The following RGPD2 variants were observed in gnomAD, a reference collection of about 807,000 sequenced individuals.
RGPD2 encodes the protein RANBP2 like and GRIP domain containing 2.
RGPD2 carries 2 observed loss-of-function variants against 36.0 expected under a neutral mutation model. That is an observed-to-expected ratio of 0.06 (90% confidence interval 0.02 to 0.17). The LOEUF (loss-of-function observed/expected upper bound fraction) is 0.17. Ranked by LOEUF, RGPD2 falls within the 10% of genes least tolerant of loss-of-function variation. The probability of loss-of-function intolerance (pLI) is 1.00; values close to 1 mark genes in which losing one functional copy is unlikely to be tolerated. For synonymous variants in RGPD2, 19 were observed against 163.8 expected, an observed-to-expected ratio of 0.12 and a Z score of 6.75; for missense variants, 40 against 464.3, an observed-to-expected ratio of 0.09 and a Z score of 8.40.
chr2:87,888,484 A>C, the RGPD2 span, among the ~76,000 whole-genome samples: 1 of 117,050 alleles, frequency 8.5e-6, no homozygotes, highest in African/African-American at 3.3e-5. Context: ...TGGACACAAA[A>C]ATATTAGTAA....
the RGPD2 span, among the ~76,000 whole-genome samples, chr2:87,912,066 T>G: frequency 1.3e-5 from 2 of 152,072 alleles, no homozygotes; most frequent in Non-Finnish European, 2.9e-5. Context: ...AGGTTGTTTT[T>G]TTTTTAGCTC....
the RGPD2 span, among the ~76,000 whole-genome samples, chr2:87,982,980 G>C: frequency 9.9e-6 from 1 of 101,470 alleles, no homozygotes; most frequent in African/African-American, 3.6e-5. Context: ...ATGTAATAAA[G>C]AACAGAAAAA....
the RGPD2 span, among the ~76,000 whole-genome samples, chr2:87,963,888 T>G: frequency 7.4e-6 from 1 of 135,532 alleles, no homozygotes. Flanking sequence ...CAGGCTGGAC[T>G]CCAGTGGCGC....
chr2:87,830,241 C>T (rs533123264), upstream of RGPD2, among the ~76,000 whole-genome samples: 4 of 152,386 alleles, frequency 2.6e-5, no homozygotes, highest in Non-Finnish European at 5.9e-5. Flanking sequence ...AGGGTACAGG[C>T]TCTCTCCTGG....
the RGPD2 span, among the ~76,000 whole-genome samples, chr2:87,958,232 A>T: frequency 1.3e-5 from 2 of 152,106 alleles, no homozygotes; most frequent in African/African-American, 4.8e-5. Context: ...TTTGAACCTG[A>T]AGTCTTAACT....
the RGPD2 span, among the ~76,000 whole-genome samples, chr2:87,861,491 AG>A: frequency 6.6e-6 from 1 of 152,120 alleles, no homozygotes; most frequent in African/African-American, 2.4e-5. Context: ...AATTTCCAAC[AG>A]TGAAGAGGTT....
chr2:87,971,703 A>G, the RGPD2 span, among the ~76,000 whole-genome samples: 2 of 151,598 alleles, frequency 1.3e-5, no homozygotes, highest in Non-Finnish European at 2.9e-5. Context: ...TTATTTATTT[A>G]TTTGCCATTC....
At chr2:87,825,442 CCCGGCCAGGCCGAGGCCGA>C (rs1686695424) in intron 1 of RGPD2, among the ~76,000 whole-genome samples, 197 bp downstream of exon 1, 1 of 119,062 alleles carries the variant, frequency 8.4e-6, no homozygotes. Flanking sequence ...GCCGCCGCCG[CCCGGCCAGGCCGAGGCCGA>C]GGCCGAGGCC....
At chr2:87,989,736 A>G in the RGPD2 span, 5 of 991,230 alleles carry the variant, frequency 5.0e-6, no homozygotes, top group Non-Finnish European at 7.7e-6. Context: ...GATAGAATCA[A>G]TGTAAGTTCC....
the RGPD2 span, among the ~76,000 whole-genome samples, chr2:87,900,502 T>TGCTA: frequency 7.7e-4 from 76 of 98,792 alleles, no homozygotes; most frequent in South Asian, 2.6e-3. Flanking sequence ...CACACTAATA[T>TGCTA]GCTAGCTTAA....
the RGPD2 span, among the ~76,000 whole-genome samples, chr2:87,933,501 C>A: frequency 6.7e-6 from 1 of 148,500 alleles, no homozygotes; most frequent in Non-Finnish European, 1.5e-5. Flanking sequence ...GGGAAACAAT[C>A]AGTAGACAAA....
chr2:87,964,923 C>T, the RGPD2 span, among the ~76,000 whole-genome samples: 1 of 151,416 alleles, frequency 6.6e-6, no homozygotes, highest in East Asian at 1.9e-4. Context: ...TCTTTACCCT[C>T]AACCTAAATA....
intron 4 of RGPD2, among the ~76,000 whole-genome samples, chr2:87,813,925 C>A (rs1179209226): frequency 1.3e-5 from 2 of 151,698 alleles, no homozygotes; most frequent in African/African-American, 4.9e-5. Context: ...GTTAACAGTG[C>A]CTTCAAGTTA....
upstream of RGPD2, among the ~76,000 whole-genome samples, chr2:87,829,880 C>CCAA: frequency 7.4e-6 from 1 of 135,246 alleles, no homozygotes; most frequent in African/African-American, 2.8e-5. Context: ...TCATGCCTTC[C>CCAA]CAACAGTCCC....
the RGPD2 span, among the ~76,000 whole-genome samples, chr2:87,839,365 C>T: frequency 2.0e-5 from 3 of 151,870 alleles, no homozygotes; most frequent in Admixed American, 6.6e-5. Flanking sequence ...ATCAAAAAGT[C>T]AAAAAATAAC....
chr2:87,958,307 A>AT, the RGPD2 span, among the ~76,000 whole-genome samples: 2 of 152,164 alleles, frequency 1.3e-5, no homozygotes, highest in Admixed American at 1.3e-4. Context: ...AGTAATTACT[A>AT]TTTTAAGTAT....
At chr2:87,905,179 C>A in the RGPD2 span, among the ~76,000 whole-genome samples, 4 of 152,184 alleles carry the variant, frequency 2.6e-5, no homozygotes, top group African/African-American at 9.6e-5. Flanking sequence ...CATATATCTG[C>A]GTGGAGGACA....
the RGPD2 span, among the ~76,000 whole-genome samples, chr2:87,915,666 A>G: frequency 0.022 from 3,260 of 146,442 alleles, 140 homozygotes; most frequent in African/African-American, 0.078. Flanking sequence ...GTGTGTATAT[A>G]TATATATCTC....
the RGPD2 span, among the ~76,000 whole-genome samples, chr2:87,883,569 A>G: frequency 6.6e-6 from 1 of 151,932 alleles, no homozygotes; most frequent in Non-Finnish European, 1.5e-5. Flanking sequence ...TGCCTACAAT[A>G]GACTCATCTC....
Sources: allele counts gnomAD v4.1 joint callset (sites outside exome capture counted in the v4.1 genomes callset), GRCh38; gene constraint gnomAD v4.1.1; transcripts MANE v1.5; gene names NCBI Gene and HGNC (gene_info 2026-07-23, HGNC 2026-07-21).